The following ADGRL2 variants were observed in gnomAD, a reference collection of about 807,000 sequenced individuals.
The protein encoded by ADGRL2 is adhesion G protein-coupled receptor L2.
A neutral mutation model predicts 157.4 loss-of-function variants in ADGRL2; 44 were observed. The observed-to-expected ratio is 0.28, with a 90% CI of 0.22 to 0.36. The LOEUF (loss-of-function observed/expected upper bound fraction) is 0.36, where lower values mean the gene tolerates loss of function less well. Ranked by LOEUF, ADGRL2 falls within the 10% of genes least tolerant of loss-of-function variation. The probability of loss-of-function intolerance (pLI) is 1.00; values close to 1 mark genes in which losing one functional copy is unlikely to be tolerated. For synonymous variants in ADGRL2, 585 were observed against 624.7 expected (o/e 0.94, Z 0.95); for missense variants, 1,510 against 1,768.9 (o/e 0.85, Z 2.63).
intron 2 of ADGRL2, among the ~76,000 whole-genome samples, chr1:81,553,647 CA>C (rs1171747271): frequency 6.6e-6 from 1 of 151,812 alleles, no homozygotes; most frequent in Admixed American, 6.6e-5. Flanking sequence ...TTCTTTCAGC[CA>C]AAAAAAGACC....
chr1:81,423,047 A>G (rs1033512372), intron 1 of ADGRL2, among the ~76,000 whole-genome samples: 6 of 152,194 alleles, frequency 3.9e-5, no homozygotes, highest in South Asian at 4.1e-4. Flanking sequence ...ATTGAGACCA[A>G]CTTGCAAATA....
chr1:81,450,264 T>G (rs1034652186), intron 2 of ADGRL2, among the ~76,000 whole-genome samples: 1 of 152,206 alleles, frequency 6.6e-6, no homozygotes, highest in Non-Finnish European at 1.5e-5. Context: ...ACATTGGTCT[T>G]GAAACGTTGA....
chr1:81,616,017 T>C (rs576104860), intron 3 of ADGRL2, among the ~76,000 whole-genome samples: 1 of 152,160 alleles, frequency 6.6e-6, no homozygotes, highest in Admixed American at 6.5e-5. Context: ...TTTATGCCAC[T>C]GCGCACTCAA....
intron 11 of ADGRL2, among the ~76,000 whole-genome samples, chr1:81,958,728 A>T (rs1342172184): frequency 6.6e-6 from 1 of 152,172 alleles, no homozygotes; most frequent in African/African-American, 2.4e-5. Context: ...GATCATCAGC[A>T]TGGTGATATT....
chr1:81,813,742 G>A (rs1052512966), intron 1 of ADGRL2, among the ~76,000 whole-genome samples: 1 of 151,478 alleles, frequency 6.6e-6, no homozygotes, highest in Non-Finnish European at 1.5e-5. Context: ...ATTTCTTATC[G>A]TAGCTGGTTT....
intron 3 of ADGRL2, among the ~76,000 whole-genome samples, chr1:81,605,776 T>C (rs1256070382): frequency 6.6e-6 from 1 of 152,242 alleles, no homozygotes; most frequent in Non-Finnish European, 1.5e-5. Context: ...AGTCTAGTTC[T>C]ATTGTCTGTG....
chr1:81,773,314 A>G (rs1571164172), intron 2 of ADGRL2, among the ~76,000 whole-genome samples: 1 of 152,242 alleles, frequency 6.6e-6, no homozygotes, highest in East Asian at 1.9e-4. Flanking sequence ...CTACACTTAC[A>G]TAAAGAAAAT....
intron 17 of ADGRL2, among the ~76,000 whole-genome samples, chr1:81,972,911 T>TA (rs11440202): frequency 0.31 from 40,209 of 128,690 alleles, 5,998 homozygotes; most frequent in Middle Eastern, 0.37. Flanking sequence ...GACCCTGTCT[T>TA]AAAAAAAAAA....
intron 1 of ADGRL2, among the ~76,000 whole-genome samples, chr1:81,825,455 TC>T (rs1386190894): frequency 1.3e-5 from 2 of 151,952 alleles, no homozygotes; most frequent in Non-Finnish European, 2.9e-5. Context: ...TTCAAGTGAT[TC>T]CCCTGCCTCA....
Position 81,509,994 on chromosome 1 carries a change from G to A in ADGRL2, c.-248+64905G>A, listed in dbSNP as rs139439476. Among the ~76,000 whole-genome samples the A allele has an allele frequency of 2.0e-4, 30 of 152,274 alleles. 2 individuals are homozygous for A. The East Asian group carries it at 5.8e-3, about 29-fold the overall frequency. On this transcript the variant is annotated intron_variant, in intron 2 of 24. Transcript: ENST00000370721. The stretch of plus-strand genomic sequence containing the variant: ...ACACAGTCAAGTCCAAAAAAAGAAA[G>A]TTGAAGTGACTTTGTTATATGTTTA...
intron 3 of ADGRL2, among the ~76,000 whole-genome samples, chr1:81,592,391 G>T (rs998137031): frequency 6.6e-5 from 10 of 152,318 alleles, no homozygotes; most frequent in South Asian, 2.1e-4. Context: ...GTTGGGTTTG[G>T]CCTACAGCCA....
At chr1:81,781,813 C>T (rs969929579) in intron 2 of ADGRL2, among the ~76,000 whole-genome samples, 24 of 152,186 alleles carry the variant, frequency 1.6e-4, no homozygotes, top group African/African-American at 5.8e-4. Context: ...TTGAAAGACA[C>T]AATTTTAAAA....
intron 3 of ADGRL2, among the ~76,000 whole-genome samples, chr1:81,618,901 G>C (rs2081725851): frequency 6.6e-6 from 1 of 151,702 alleles, no homozygotes; most frequent in Non-Finnish European, 1.5e-5. Flanking sequence ...GCATGTCTAG[G>C]TTGAGTTCTG....
chr1:81,919,861 G>A (rs1333517628), intron 3 of ADGRL2, among the ~76,000 whole-genome samples: 2 of 152,070 alleles, frequency 1.3e-5, no homozygotes, highest in African/African-American at 2.4e-5. Context: ...TAATAAGTTG[G>A]TTCAAGGCAC....
At chr1:81,492,361 A>G (rs1327904138) in intron 2 of ADGRL2, among the ~76,000 whole-genome samples, 1 of 152,226 alleles carries the variant, frequency 6.6e-6, no homozygotes, top group Non-Finnish European at 1.5e-5. Flanking sequence ...AAACACTTCA[A>G]ATTCTGCTTA....
At chr1:81,418,888 C>T (rs889884363) in intron 1 of ADGRL2, among the ~76,000 whole-genome samples, 1 of 152,176 alleles carries the variant, frequency 6.6e-6, no homozygotes, top group Non-Finnish European at 1.5e-5. Flanking sequence ...ATACTTTGAT[C>T]ATTCCTTTTA....
intron 3 of ADGRL2, among the ~76,000 whole-genome samples, chr1:81,639,973 T>C (rs1353291710): frequency 6.6e-6 from 1 of 152,186 alleles, no homozygotes; most frequent in Non-Finnish European, 1.5e-5. Flanking sequence ...ATGGTTAAAA[T>C]GAGTAGACTC....
At chr1:81,422,468 C>T (rs1464036732) in intron 1 of ADGRL2, among the ~76,000 whole-genome samples, 2 of 152,218 alleles carry the variant, frequency 1.3e-5, no homozygotes, top group African/African-American at 4.8e-5. Context: ...TGGTCTCGAA[C>T]TCCTGACCTC....
At chr1:81,570,216 T>G (rs909723772) in intron 2 of ADGRL2, among the ~76,000 whole-genome samples, 1 of 152,212 alleles carries the variant, frequency 6.6e-6, no homozygotes, top group Non-Finnish European at 1.5e-5. Flanking sequence ...TTGGACCATC[T>G]TGGAACCTGG....
Sources: allele counts gnomAD v4.1 joint callset (sites outside exome capture counted in the v4.1 genomes callset), GRCh38; gene constraint gnomAD v4.1.1; transcripts MANE v1.5; gene names NCBI Gene and HGNC (gene_info 2026-07-23, HGNC 2026-07-21).